The following PKN2 variants were observed in gnomAD, a reference collection of about 807,000 sequenced individuals.
PKN2 encodes the protein serine/threonine-protein kinase N2.
A neutral mutation model predicts 119.1 loss-of-function variants in PKN2; 38 were observed. The observed-to-expected ratio is 0.32, with a 90% CI of 0.25 to 0.42. The LOEUF (loss-of-function observed/expected upper bound fraction) is 0.42, where lower values mean the gene tolerates loss of function less well. Among genes scored for constraint, PKN2 ranks in the 10% least tolerant of loss-of-function variants. The probability of loss-of-function intolerance (pLI) is 1.00; values close to 1 mark genes in which losing one functional copy is unlikely to be tolerated. For missense variants in PKN2, 850 were observed against 1,165.1 expected (o/e 0.73, Z 3.94); for synonymous variants, 390 against 384.9 (o/e 1.01, Z -0.15).
In PKN2 at chr1:88,771,466, G is replaced by A. The variant is rs1669892191; in HGVS notation, c.668G>A (p.Arg223Lys). Reference protein sequence around the residue: ...SPLELRMEELRHHFRIEFAVA... With the variant: ...SPLELRMEELKHHFRIEFAVA... Reference sequence around the variant, plus strand: ...CTTGAACTTCGGATGGAAGAATTAAGGCATCATTTTAGGATAGAGTTTGCA... The same window carrying A: ...CTTGAACTTCGGATGGAAGAATTAAAGCATCATTTTAGGATAGAGTTTGCA... Residue 223 changes from arginine (R) to lysine (K), a missense_variant, in exon 5 of 22, where the codon AGG becomes AAG. Transcript: ENST00000370521. The A allele has an allele frequency of 6.2e-7, 1 of 1,607,822 alleles. No homozygotes were observed. Among genetic ancestry groups the A allele is most frequent in the African/African-American group, 1.3e-5 (1 of 74,750 alleles).
chr1:88,714,669 G>T (rs1039271659), intron 1 of PKN2, among the ~76,000 whole-genome samples: 16 of 152,218 alleles, frequency 1.1e-4, no homozygotes, highest in African/African-American at 3.9e-4. Flanking sequence ...AAGGAGATTT[G>T]GGGCTGAGAC....
At chr1:88,807,845 C>T (rs1671613227) in intron 15 of PKN2, 70 bp downstream of exon 15, 1 of 831,824 alleles carries the variant, frequency 1.2e-6, no homozygotes, top group African/African-American at 1.7e-5. Flanking sequence ...ATATGTATTA[C>T]AACAGCAAAA....
intron 16 of PKN2, among the ~76,000 whole-genome samples, chr1:88,817,262 C>A (rs1046339713): frequency 1.3e-5 from 2 of 152,080 alleles, no homozygotes; most frequent in East Asian, 3.9e-4. Flanking sequence ...AATCAATAAA[C>A]GTAATCCATC....
At chr1:88,733,447 A>AT (rs1449331230) in intron 1 of PKN2, among the ~76,000 whole-genome samples, 2 of 152,032 alleles carry the variant, frequency 1.3e-5, no homozygotes, top group African/African-American at 2.4e-5. Flanking sequence ...GATGTTGAAC[A>AT]TTTTTTCATA....
Position 88,684,410 on chromosome 1 carries a change from A to C in PKN2, c.-171A>C. 1.8e-6 allele frequency: 1 copy of C among 559,652 alleles called. No homozygotes were observed. The highest frequency in any genetic ancestry group is 3.0e-6 in the Non-Finnish European group (1 of 328,208). The allele number at this position is 559,652 out of a possible 1,614,324, so 34.7% of individuals were successfully genotyped here. A position where few individuals can be genotyped will look rare whatever the true frequency, so the allele number is the denominator to read the frequency against. On this transcript the variant is annotated 5_prime_UTR_variant, in exon 1 of 22. Transcript: ENST00000370521. ...CCTAGCTCCCCGCCGCTCTCGATGA[A>C]CCGGACGGAATAAGCCGCGCCTCCA... is the stretch of plus-strand genomic sequence containing the variant.
chr1:88,825,879 C>T (rs559240805), intron 18 of PKN2, among the ~76,000 whole-genome samples: 1 of 152,272 alleles, frequency 6.6e-6, no homozygotes, highest in South Asian at 2.1e-4. Flanking sequence ...TCTTGCTGCT[C>T]TCTGTTTAGT....
At chr1:88,715,268 A>AGAATG (rs1667400418) in intron 1 of PKN2, among the ~76,000 whole-genome samples, 1 of 147,382 alleles carries the variant, frequency 6.8e-6, no homozygotes, top group Non-Finnish European at 1.5e-5. Flanking sequence ...GCTTTGCTAT[A>AGAATG]ATGCTGGCCT....
In PKN2 at chr1:88,729,055, C is replaced by T. The variant is rs533066757; in HGVS notation, c.49-11933C>T. On this transcript the variant is annotated intron_variant, in intron 1 of 21. Transcript: ENST00000370521. ...GATTACAGGCATGTGCCACCATGCC[C>T]GGCTAATTTTGTATTTTTAGTAGAG... Among the ~76,000 whole-genome samples, 10 of 151,998 alleles carry T rather than the reference C, an allele frequency of 6.6e-5. No homozygotes were observed. In the South Asian group the frequency reaches 8.3e-4, roughly 13 times the overall value.
chr1:88,722,216 C>T (rs906061277), intron 1 of PKN2, among the ~76,000 whole-genome samples: 3 of 151,206 alleles, frequency 2.0e-5, no homozygotes, highest in African/African-American at 7.4e-5. Context: ...GTTAAGTAAT[C>T]ATTAAGAGGA....
intron 8 of PKN2, among the ~76,000 whole-genome samples, chr1:88,786,888 CTA>C (rs1670599537): frequency 6.6e-6 from 1 of 151,702 alleles, no homozygotes; most frequent in African/African-American, 2.4e-5. Flanking sequence ...CAATGCTTAA[CTA>C]TGTGTGCTCT....
chr1:88,786,130 G>A lies in PKN2; in HGVS notation c.1198G>A (p.Asp400Asn), dbSNP rs764555959. ...TGATGTCTGTGCTGTTTTGAAGCTC[G>A]ATAATACTGTGGTTGGCCAAACTAG... ...SNDVCAVLKL[D>N]NTVVGQTSWK... The change falls in exon 8 of 22, where the codon GAT becomes AAT. Residue 400 changes from aspartate (D) to asparagine (N), a missense_variant. This residue lies in a region of PKN2 where 350 missense variants were observed against 511.1 expected (regional missense o/e 0.68). Transcript: ENST00000370521. 3 of 1,611,476 alleles carry A rather than the reference G, an allele frequency of 1.9e-6. No individual in the cohort carries two copies. The highest frequency in any genetic ancestry group is 1.1e-5 in the South Asian group (1 of 91,014).
chr1:88,742,905 T>C (rs1396132642), intron 2 of PKN2, among the ~76,000 whole-genome samples: 1 of 152,118 alleles, frequency 6.6e-6, no homozygotes, highest in Non-Finnish European at 1.5e-5. Flanking sequence ...GTTAACTTTA[T>C]TGTGGCTGGG....
chr1:88,723,596 A>G (rs1325389822), intron 1 of PKN2, among the ~76,000 whole-genome samples: 1 of 151,946 alleles, frequency 6.6e-6, no homozygotes, highest in Admixed American at 6.6e-5. Flanking sequence ...TAATTCTTGT[A>G]TTTTTTAGTA....
chr1:88,824,263 T>C lies in PKN2; in HGVS notation c.2343-47T>C, dbSNP rs751943364. 11 of 975,220 alleles carry C rather than the reference T, an allele frequency of 1.1e-5. No homozygotes were observed. In the African/African-American group the frequency reaches 1.8e-4, roughly 16 times the overall value. 60.4% of individuals were successfully genotyped at this position (975,220 alleles called of 1,614,324 possible). A position where few individuals can be genotyped will look rare whatever the true frequency, so the allele number is the denominator to read the frequency against. On this transcript the variant is annotated intron_variant, in intron 17 of 21. Coordinates refer to ENST00000370521, the MANE Select transcript of PKN2 (RefSeq NM_006256.4). ...TTTTTTTAACTGTATAACCTACTGA[T>C]TTCTTTGATTTTTTTTTTTCATGCT...
At chr1:88,776,261 C>T (rs1047873655) in intron 6 of PKN2, among the ~76,000 whole-genome samples, 10 of 146,290 alleles carry the variant, frequency 6.8e-5, no homozygotes, top group Non-Finnish European at 1.1e-4. Context: ...CCGCCCCACC[C>T]GTCACTTCTC....
chr1:88,806,604 C>T (rs928457120), intron 12 of PKN2, among the ~76,000 whole-genome samples: 34 of 152,178 alleles, frequency 2.2e-4, no homozygotes, highest in Non-Finnish European at 3.5e-4. Flanking sequence ...GAATAGGCTG[C>T]TTAAACTAGA....
At chr1:88,829,302 C>G (rs899640876) in intron 19 of PKN2, 1 of 612,622 alleles carries the variant, frequency 1.6e-6, no homozygotes, top group Admixed American at 2.3e-5. Context: ...GAGATACCTT[C>G]ACATGTGCTA....
At chr1:88,829,375 G>A (rs1457988015) in intron 19 of PKN2, 7 of 458,842 alleles carry the variant, frequency 1.5e-5, no homozygotes, top group Middle Eastern at 3.8e-4. Context: ...TGCACCTGAA[G>A]TTGCTATAGA....
chr1:88,817,504 G>A (rs1417089298), intron 16 of PKN2, among the ~76,000 whole-genome samples: 2 of 150,884 alleles, frequency 1.3e-5, no homozygotes, highest in Non-Finnish European at 2.9e-5. Context: ...TCAGGATATC[G>A]AGACCAGCCT....
Sources: allele counts gnomAD v4.1 joint callset (sites outside exome capture counted in the v4.1 genomes callset), GRCh38; gene constraint gnomAD v4.1.1; regional missense constraint gnomAD v4.1.1; transcripts MANE v1.5; gene names NCBI Gene and HGNC (gene_info 2026-07-23, HGNC 2026-07-21).